Variants in ANTXR1 observed in about 807,000 individuals in gnomAD.
The protein encoded by ANTXR1 is anthrax toxin receptor 1.
In ANTXR1, 19 loss-of-function variants were observed where a neutral mutation model predicts 78.1. That is an observed-to-expected ratio of 0.24 (90% CI 0.17 to 0.36). The LOEUF is 0.36. Ranked by LOEUF, ANTXR1 falls within the 10% of genes least tolerant of loss-of-function variation. ANTXR1 has a pLI of 1.00. For missense variants in ANTXR1, 518 were observed against 718.6 expected, an observed-to-expected ratio of 0.72 and a Z score of 3.19; for synonymous variants, 273 against 260.5, an observed-to-expected ratio of 1.05 and a Z score of -0.46.
intron 1 of ANTXR1, among the ~76,000 whole-genome samples, chr2:69,020,766 C>G (rs1671167590): frequency 6.6e-6 from 1 of 152,216 alleles, no homozygotes; most frequent in South Asian, 2.1e-4. Flanking sequence ...ACACGTTTTT[C>G]AGACACGTCA....
chr2:69,239,414 C>CA (rs573580964), intron 17 of ANTXR1, among the ~76,000 whole-genome samples: 28 of 151,874 alleles, frequency 1.8e-4, no homozygotes, highest in African/African-American at 3.9e-4. Flanking sequence ...ACTAAAAATA[C>CA]AAAAAAAATT....
chr2:69,041,390 A>G (rs1669610779), intron 2 of ANTXR1, among the ~76,000 whole-genome samples: 1 of 152,092 alleles, frequency 6.6e-6, no homozygotes, highest in Admixed American at 6.5e-5. Context: ...TCCTTTCTTC[A>G]CTCGCAGCCA....
intron 17 of ANTXR1, among the ~76,000 whole-genome samples, chr2:69,224,875 C>T (rs192861533): frequency 5.2e-4 from 79 of 152,274 alleles, no homozygotes; most frequent in African/African-American, 1.9e-3. Context: ...GAAAAGAAAT[C>T]TTCTTGGAGA....
intron 10 of ANTXR1, among the ~76,000 whole-genome samples, chr2:69,105,686 A>G (rs1361095787): frequency 6.6e-6 from 1 of 151,948 alleles, no homozygotes; most frequent in Non-Finnish European, 1.5e-5. Flanking sequence ...TTCCTTCCCC[A>G]CCTCTATACC....
At chr2:69,021,634 A>G (rs1258313573) in intron 1 of ANTXR1, among the ~76,000 whole-genome samples, 1 of 152,242 alleles carries the variant, frequency 6.6e-6, no homozygotes, top group African/African-American at 2.4e-5. Context: ...CCTGTTGGTC[A>G]GAACTGGTCA....
At chr2:69,063,237 A>C (rs1161354243) in intron 3 of ANTXR1, among the ~76,000 whole-genome samples, 1 of 152,162 alleles carries the variant, frequency 6.6e-6, no homozygotes, top group Non-Finnish European at 1.5e-5. Flanking sequence ...ACCTAAGTGC[A>C]TCATAGTCAA....
At chr2:69,137,187 G>GT (rs1362000703) in intron 12 of ANTXR1, among the ~76,000 whole-genome samples, 6 of 151,820 alleles carry the variant, frequency 4.0e-5, no homozygotes, top group South Asian at 2.1e-4. Context: ...ACTATGTTGT[G>GT]TTTTTTTTAA....
intron 10 of ANTXR1, 189 bp downstream of exon 10, chr2:69,103,129 G>A: frequency 1.5e-6 from 1 of 679,248 alleles, no homozygotes; most frequent in Admixed American, 2.1e-5. Flanking sequence ...CCACTTGGGT[G>A]GGCACAGCCC....
chr2:69,196,153 G>C (rs1021270676), intron 17 of ANTXR1, among the ~76,000 whole-genome samples: 4 of 152,192 alleles, frequency 2.6e-5, no homozygotes, highest in African/African-American at 9.7e-5. Context: ...ATGAAAGTTT[G>C]TATTAACAGC....
intron 16 of ANTXR1, among the ~76,000 whole-genome samples, chr2:69,185,407 G>T (rs1674393187): frequency 6.6e-6 from 1 of 152,154 alleles, no homozygotes; most frequent in Non-Finnish European, 1.5e-5. Context: ...GGGCGTGGTT[G>T]TGGGTGCCTG....
chr2:69,195,091 C>T (rs1288712786), intron 17 of ANTXR1, among the ~76,000 whole-genome samples: 1 of 151,352 alleles, frequency 6.6e-6, no homozygotes. Flanking sequence ...TCACTTGAAC[C>T]CAGGAGGCGG....
chr2:69,172,674 G>T (rs1416931726), intron 14 of ANTXR1: 1 of 529,218 alleles, frequency 1.9e-6, no homozygotes, highest in African/African-American at 2.0e-5. Context: ...TAAACTTAGA[G>T]AATGAAGATA....
rs116454872 is a variant in ANTXR1, at chr2:69,187,321, G to A, written c.1353+4661G>A. 9.7e-3 allele frequency among the ~76,000 whole-genome samples: 1,480 copies of A among 151,912 alleles called. 15 individuals are homozygous for A. The highest frequency in any genetic ancestry group is 0.033 in the African/African-American group (1,364 of 41,392). ...TTTCCTTTGCTTGGTTTTCACCCCC[G>A]GATTTACAATACCCCGTGCTTCTCA... On this transcript the variant is annotated intron_variant, in intron 16 of 17. Transcript: ENST00000303714.
At chr2:69,166,768 G>C (rs979509655) in intron 13 of ANTXR1, among the ~76,000 whole-genome samples, 1 of 152,200 alleles carries the variant, frequency 6.6e-6, no homozygotes, top group Admixed American at 6.5e-5. Flanking sequence ...CATAACCTGA[G>C]AAAAAGGAGA....
At chr2:69,026,788 A>G (rs1339481350) in intron 1 of ANTXR1, among the ~76,000 whole-genome samples, 1 of 152,198 alleles carries the variant, frequency 6.6e-6, no homozygotes, top group Non-Finnish European at 1.5e-5. Context: ...GAGCATCTGG[A>G]GCATAAACAG....
chr2:69,182,394 G>C, intron 15 of ANTXR1, 99 bp from the exon 16 acceptor site: 1 of 1,410,854 alleles, frequency 7.1e-7, no homozygotes, highest in Non-Finnish European at 9.8e-7. Flanking sequence ...CCAGGGTTGG[G>C]TAGCATTCAC....
intron 1 of ANTXR1, among the ~76,000 whole-genome samples, chr2:69,035,741 G>A (rs1391432120): frequency 6.6e-6 from 1 of 152,228 alleles, no homozygotes; most frequent in Non-Finnish European, 1.5e-5. Context: ...TAGCAGAGGA[G>A]CAAGCCTGTC....
rs1314707445 is a variant in ANTXR1 at position 69,245,332 on chromosome 2, C to T, written c.1542C>T (p.Pro514=). 1 of 1,600,394 alleles carries T rather than the reference C, an allele frequency of 6.2e-7. No homozygotes were observed. Among genetic ancestry groups the T allele is most frequent in the South Asian group, 1.1e-5 (1 of 89,506 alleles). Residue 514 remains proline, a synonymous_variant, in exon 18 of 18, where the codon CCC becomes CCT. Transcript: ENST00000303714. ...CGCCTCCTGCCCCCATCTACACTCC[C>T]CCACCTCCTGCGCCCCACTGCCCTC... ...SSPPPAPIYT[P]PPPAPHCPPP... is the part of the protein sequence containing the mutation.
intron 6 of ANTXR1, 81 bp downstream of exon 6, chr2:69,073,182 T>C: frequency 8.1e-7 from 1 of 1,229,904 alleles, no homozygotes; most frequent in Non-Finnish European, 1.2e-6. Flanking sequence ...CTCTCTCTAT[T>C]CATGTGATAG....
Sources: allele counts gnomAD v4.1 joint callset (sites outside exome capture counted in the v4.1 genomes callset), GRCh38; gene constraint gnomAD v4.1.1; transcripts MANE v1.5; gene names NCBI Gene and HGNC (gene_info 2026-07-23, HGNC 2026-07-21).